PCDHA9: variants seen among roughly 807,000 people sequenced by gnomAD.
PCDHA9 encodes the protein protocadherin alpha-9.
PCDHA9 carries 62 observed loss-of-function variants against 62.0 expected under a neutral mutation model. The ratio of observed to expected loss-of-function variants is 1.00; its 90% CI spans 0.81 to 1.23. PCDHA9 has a LOEUF of 1.23. Among genes scored for constraint, PCDHA9 ranks in the 50% most tolerant of loss-of-function variants. PCDHA9 has a pLI of 0.00. For missense variants in PCDHA9, 1,205 were observed against 1,249.8 expected, an observed-to-expected ratio of 0.96 and a Z score of 0.54; for synonymous variants, 557 against 567.6, an observed-to-expected ratio of 0.98 and a Z score of 0.27.
intron 1 of PCDHA9, among the ~76,000 whole-genome samples, chr5:140,961,895 T>A (rs1453853880): frequency 6.6e-6 from 1 of 152,012 alleles, no homozygotes; most frequent in Non-Finnish European, 1.5e-5. Flanking sequence ...CAGTTTTTTT[T>A]TTTTTTGAGA....
intron 1 of PCDHA9, chr5:140,857,914 C>T: frequency 6.3e-7 from 1 of 1,597,754 alleles, no homozygotes; most frequent in Non-Finnish European, 8.6e-7. Flanking sequence ...TCCCGTTTCG[C>T]GTGGGGCTGT....
intron 1 of PCDHA9, among the ~76,000 whole-genome samples, chr5:140,917,324 CG>C (rs1299895515): frequency 5.3e-5 from 4 of 76,126 alleles, no homozygotes; most frequent in African/African-American, 1.7e-4. Context: ...GTTCATGTGG[CG>C]GGGGAGGGGG....
At chr5:140,884,550 G>C (rs781916237) in intron 1 of PCDHA9, 2 of 1,614,118 alleles carry the variant, frequency 1.2e-6, no homozygotes, top group Non-Finnish European at 1.7e-6. Flanking sequence ...GTGTGCTCTG[G>C]GGAGGGCCCG....
chr5:140,967,431 T>G, intron 1 of PCDHA9: 1 of 1,613,498 alleles, frequency 6.2e-7, no homozygotes, highest in Non-Finnish European at 8.5e-7. Flanking sequence ...CAGGCAGCCT[T>G]GCACCACCTG....
At chr5:140,857,947 G>T (rs782434773) in intron 1 of PCDHA9, 1 of 1,597,414 alleles carries the variant, frequency 6.3e-7, no homozygotes, top group East Asian at 2.2e-5. Flanking sequence ...TCAGTACGAC[G>T]CGCGCTCTGG....
intron 3 of PCDHA9, among the ~76,000 whole-genome samples, chr5:141,007,846 A>G (rs1368916424): frequency 6.6e-6 from 1 of 152,176 alleles, no homozygotes. Flanking sequence ...TAGAGACTCA[A>G]AGTCCTTAAA....
In PCDHA9 at chr5:141,010,929, T is replaced by G. The variant is rs782088449; in HGVS notation, c.*992T>G. 1 of 153,778 alleles carries G rather than the reference T, an allele frequency of 6.5e-6. No homozygotes were observed. Among genetic ancestry groups the G allele is most frequent in the Non-Finnish European group, 1.5e-5 (1 of 68,048 alleles). 9.5% of individuals were successfully genotyped at this position (153,778 alleles called of 1,614,324 possible). A position where few individuals can be genotyped will look rare whatever the true frequency, so the allele number is the denominator to read the frequency against. ...AAACTCTCCTCAAAAGAGAATTCAG[T>G]CTACAGCCATTTAAATGATCATTGC... On this transcript the variant is annotated 3_prime_UTR_variant, in exon 4 of 4. Transcript: ENST00000532602.
At chr5:140,888,277 C>G (rs923275306) in intron 1 of PCDHA9, among the ~76,000 whole-genome samples, 1 of 151,972 alleles carries the variant, frequency 6.6e-6, no homozygotes, top group Non-Finnish European at 1.5e-5. Context: ...ACAGTTTTGT[C>G]CCCTCTACCC....
intron 1 of PCDHA9, chr5:140,927,497 T>A: frequency 6.2e-7 from 1 of 1,614,094 alleles, no homozygotes; most frequent in Non-Finnish European, 8.5e-7. Flanking sequence ...CACCTGCTGG[T>A]GCTTACAGCT....
chr5:140,853,402 A>C, intron 1 of PCDHA9: 1 of 986,360 alleles, frequency 1.0e-6, no homozygotes, highest in Non-Finnish European at 1.2e-6. Context: ...CAAGTTCAAA[A>C]CAGAGAGGTG....
At chr5:141,000,120 C>G (rs1554257146) in intron 3 of PCDHA9, among the ~76,000 whole-genome samples, 1 of 152,052 alleles carries the variant, frequency 6.6e-6, no homozygotes, top group African/African-American at 2.4e-5. Flanking sequence ...CCCTCATCCC[C>G]AAGGCTTCAC....
intron 1 of PCDHA9, among the ~76,000 whole-genome samples, chr5:140,874,847 A>AT (rs1459176801): frequency 6.6e-6 from 1 of 152,242 alleles, no homozygotes; most frequent in Non-Finnish European, 1.5e-5. Context: ...TATTAGACAT[A>AT]TTTTAGTTTC....
chr5:140,852,390 G>A (rs1418398381), intron 1 of PCDHA9: 1 of 186,076 alleles, frequency 5.4e-6, no homozygotes, highest in African/African-American at 2.4e-5. Context: ...CAATTCTCCT[G>A]CCTCAGCCTC....
intron 1 of PCDHA9, among the ~76,000 whole-genome samples, chr5:140,976,253 T>G (rs1554237440): frequency 6.6e-6 from 1 of 152,124 alleles, no homozygotes; most frequent in Non-Finnish European, 1.5e-5. Context: ...TAAATTTATT[T>G]AAAACACAGA....
chr5:140,967,901 A>T, intron 1 of PCDHA9: 2 of 1,614,142 alleles, frequency 1.2e-6, no homozygotes, highest in African/African-American at 1.3e-5. Context: ...TGAGAATGCT[A>T]CACCCAACAC....
intron 1 of PCDHA9, chr5:140,869,034 T>C (rs1441426453): frequency 5.2e-6 from 8 of 1,527,468 alleles, no homozygotes. Flanking sequence ...ACGAGATTTT[T>C]AACCTGAAAC....
intron 1 of PCDHA9, among the ~76,000 whole-genome samples, chr5:140,957,226 C>T (rs1421287024): frequency 1.3e-5 from 2 of 152,080 alleles, no homozygotes; most frequent in African/African-American, 4.8e-5. Context: ...TTTGGCGAAG[C>T]ATTTTGGCAT....
At chr5:140,877,375 C>G (rs782650940) in intron 1 of PCDHA9, 1 of 1,614,006 alleles carries the variant, frequency 6.2e-7, no homozygotes, top group Admixed American at 1.7e-5. Flanking sequence ...CAGCACGACA[C>G]GCATCCTGGA....
chr5:140,898,733 A>C (rs1401773719), intron 1 of PCDHA9, among the ~76,000 whole-genome samples: 1 of 152,154 alleles, frequency 6.6e-6, no homozygotes, highest in Non-Finnish European at 1.5e-5. Flanking sequence ...GAAGAAAGTC[A>C]TTGGTAGCTT....
Sources: gnomAD v4.1 joint callset for allele counts (sites outside exome capture counted in the v4.1 genomes callset) on GRCh38, gnomAD v4.1.1 for gene constraint, MANE v1.5 for transcripts, NCBI Gene and HGNC (gene_info 2026-07-23, HGNC 2026-07-21) for gene names.